CEP295: variants seen among roughly 807,000 people sequenced by gnomAD.
The protein encoded by CEP295 is centrosomal protein of 295 kDa.
A neutral mutation model predicts 291.6 loss-of-function variants in CEP295; 190 were observed. That is an observed-to-expected ratio of 0.65 (90% confidence interval 0.58 to 0.73). CEP295 has a LOEUF of 0.73. Ranked by LOEUF, CEP295 falls within the 30% of genes least tolerant of loss-of-function variation. CEP295 has a pLI of 0.00. For synonymous variants in CEP295, 993 were observed against 1,038.8 expected (o/e 0.96, Z 0.85); for missense variants, 2,863 against 2,949.4 (o/e 0.97, Z 0.68).
rs1951907076 is a variant in CEP295, at chr11:93,697,553, C to G, written c.2641C>G (p.Gln881Glu). 1.3e-6 allele frequency: 2 copies of G among 1,551,634 alleles called. No individual in the cohort carries two copies. Among genetic ancestry groups the G allele is most frequent in the Non-Finnish European group, 8.7e-7 (1 of 1,146,988 alleles). ...LLLCKQKEVE[Q>E]QTGLSVFLPL... is the part of the protein sequence containing the mutation. Reference sequence around the variant, plus strand: ...TTTGTGCAAACAGAAAGAAGTGGAACAGCAAACGGGCCTCTCGGTATTCCT... The same window carrying G: ...TTTGTGCAAACAGAAAGAAGTGGAAGAGCAAACGGGCCTCTCGGTATTCCT... Residue 881 changes from glutamine (Q) to glutamate (E), a missense_variant, in exon 15 of 30, where the codon CAG becomes GAG. By Grantham distance (29) the Gln-to-Glu change is conservative. This residue lies in a region of CEP295 where 2,295 missense variants were observed against 2,335.7 expected (regional missense o/e 0.98). Transcript: ENST00000325212.
intron 5 of CEP295, among the ~76,000 whole-genome samples, chr11:93,674,470 G>A (rs1419348142): frequency 5.3e-5 from 8 of 152,188 alleles, no homozygotes; most frequent in South Asian, 2.1e-4. Context: ...AGGCCGAAGC[G>A]TAAGGATCGC....
In CEP295 at chr11:93,699,838, C is replaced by G. The variant is rs1952042746; in HGVS notation, c.4926C>G (p.Ile1642Met). ...LNKSESAEHT[I>M]PSLFLPKETE... ...AAAGTGAATCTGCTGAGCATACTAT[C>G]CCCTCTTTGTTTCTACCCAAGGAAA... The change falls in exon 15 of 30, where the codon ATC becomes ATG. Residue 1642 changes from isoleucine (I) to methionine (M), a missense_variant. Ile to Met is a conservative substitution (Grantham distance 10). This residue lies in a region of CEP295 where 2,295 missense variants were observed against 2,335.7 expected (regional missense o/e 0.98). Coordinates refer to ENST00000325212, the MANE Select transcript of CEP295 (RefSeq NM_033395.2). 6.4e-7 allele frequency: 1 copy of G among 1,552,120 alleles called. No individual in the cohort carries two copies. Among genetic ancestry groups the G allele is most frequent in the African/African-American group, 1.4e-5 (1 of 73,036 alleles).
Position 93,663,475 on chromosome 11 carries a change from T to C in CEP295, c.-27+1701T>C, listed in dbSNP as rs1400982869. ...ACAGCAACAAATGCAATGTGTTATA[T>C]CCTTGGATTGGCTTCTGGTCCAGAA... is the stretch of plus-strand genomic sequence containing the variant. On this transcript the variant is annotated intron_variant, in intron 1 of 29. Transcript: ENST00000325212. 6.6e-5 allele frequency among the ~76,000 whole-genome samples: 10 copies of C among 152,350 alleles called. No homozygotes were observed. The East Asian group carries it at 1.7e-3, about 26-fold the overall frequency.
intron 19 of CEP295, 51 bp downstream of exon 19, chr11:93,721,463 A>G: frequency 8.8e-7 from 1 of 1,136,352 alleles, no homozygotes; most frequent in Non-Finnish European, 1.3e-6. Context: ...TTGGCTTCGT[A>G]TTCTCTTTTG....
intron 17 of CEP295, among the ~76,000 whole-genome samples, chr11:93,703,915 C>T (rs902697319): frequency 1.3e-5 from 2 of 151,868 alleles, no homozygotes; most frequent in African/African-American, 2.4e-5. Flanking sequence ...ACTAGAGGCA[C>T]CCGCCACCAA....
chr11:93,726,776 GAA>G (rs1954177308), intron 23 of CEP295, 198 bp from the exon 24 acceptor site: 1 of 438,146 alleles, frequency 2.3e-6, no homozygotes, highest in Admixed American at 4.0e-5. Flanking sequence ...AATAGAAAAA[GAA>G]AAAATACTTG....
chr11:93,725,888 C>A (rs1954097457), intron 23 of CEP295, 57 bp downstream of exon 23: 2 of 1,436,714 alleles, frequency 1.4e-6, no homozygotes, highest in Admixed American at 2.0e-5. Context: ...ACATCCATTT[C>A]CTTAGAAATT....
At chr11:93,671,819 C>T (rs1412643436) in intron 5 of CEP295, among the ~76,000 whole-genome samples, 1 of 152,088 alleles carries the variant, frequency 6.6e-6, no homozygotes, top group Non-Finnish European at 1.5e-5. Context: ...ATAGATGCAT[C>T]TGTATCACTG....
In CEP295 at chr11:93,697,364, A is replaced by G. The variant is rs1278555978; in HGVS notation, c.2452A>G (p.Thr818Ala). The change falls in exon 15 of 30, where the codon ACA becomes GCA. Residue 818 changes from threonine to alanine, a missense_variant. By Grantham distance (58) the Thr-to-Ala change is moderately conservative. Transcript: ENST00000325212. ...ACCCTTTTCAGCCATGAGCAAAAGT[A>G]CAGTTTCCACAAGCCATTCTATAAT... is the stretch of plus-strand genomic sequence containing the variant. ...QEPFSAMSKS[T>A]VSTSHSIISQ... 10 of 1,551,984 alleles carry G rather than the reference A, an allele frequency of 6.4e-6. No homozygotes were observed. Among genetic ancestry groups the G allele is most frequent in the Non-Finnish European group, 7.8e-6 (9 of 1,147,040 alleles).
In CEP295 at chr11:93,728,773, T is replaced by C; in HGVS notation, c.7254T>C (p.Asn2418=). 1 of 1,550,628 alleles carries C rather than the reference T, an allele frequency of 6.4e-7. No homozygotes were observed. The highest frequency in any genetic ancestry group is 8.7e-7 in the Non-Finnish European group (1 of 1,146,754). Residue 2418 remains asparagine, a synonymous_variant, in exon 25 of 30, where the codon AAT becomes AAC. Transcript: ENST00000325212. ...DTSIAEMDFA[N]LTLEEKSENE... ...GTATTGCTGAAATGGATTTTGCAAA[T>C]TTAACCCTAGAAGAGAAGAGCGAGA...
chr11:93,701,097 C>T (rs1045834433), intron 15 of CEP295, among the ~76,000 whole-genome samples: 2 of 152,140 alleles, frequency 1.3e-5, no homozygotes, highest in African/African-American at 4.8e-5. Context: ...GACATGGTGA[C>T]TCAGGCCTTA....
At chr11:93,664,162 C>G (rs376723349) in intron 1 of CEP295, among the ~76,000 whole-genome samples, 1 of 152,142 alleles carries the variant, frequency 6.6e-6, no homozygotes, top group Non-Finnish European at 1.5e-5. Flanking sequence ...GAGGGAATTT[C>G]TTAGACCTTC....
intron 12 of CEP295, among the ~76,000 whole-genome samples, chr11:93,693,442 C>G (rs796165764): frequency 2.0e-4 from 30 of 152,276 alleles, no homozygotes; most frequent in African/African-American, 7.2e-4. Flanking sequence ...ATTCCGTGAG[C>G]CAGTATTTCT....
chr11:93,697,787 A>G lies in CEP295; in HGVS notation c.2875A>G (p.Ile959Val), dbSNP rs1951925770. The G allele has an allele frequency of 6.4e-7, 1 of 1,551,776 alleles. No individual in the cohort carries two copies. Among genetic ancestry groups the G allele is most frequent in the Non-Finnish European group, 8.7e-7 (1 of 1,146,996 alleles). ...NFKFLQEQLN[I>V]QKDSLQARRE... ...TAAATTTCTCCAAGAGCAGTTGAAT[A>G]TTCAGAAGGATAGCCTTCAGGCTAG... is the stretch of plus-strand genomic sequence containing the variant. The change falls in exon 15 of 30, where the codon ATT (isoleucine) becomes GTT (valine). Residue 959 changes from isoleucine to valine, a missense_variant. Ile to Val is a conservative substitution (Grantham distance 29). Transcript: ENST00000325212.
At chr11:93,703,856 C>T (rs1304091364) in intron 17 of CEP295, among the ~76,000 whole-genome samples, 1 of 151,024 alleles carries the variant, frequency 6.6e-6, no homozygotes, top group Non-Finnish European at 1.5e-5. Context: ...GCAAGCTCCG[C>T]CTCCCAGGTT....
chr11:93,695,056 A>G (rs1591051330), intron 12 of CEP295, among the ~76,000 whole-genome samples: 2 of 152,234 alleles, frequency 1.3e-5, no homozygotes, highest in Admixed American at 1.3e-4. Flanking sequence ...CTTCTAGATA[A>G]CTATCCCTCT....
At chr11:93,706,257 G>A (rs1296172750) in intron 17 of CEP295, among the ~76,000 whole-genome samples, 2 of 152,028 alleles carry the variant, frequency 1.3e-5, no homozygotes, top group African/African-American at 4.8e-5. Context: ...TTTTTGGGGC[G>A]ATGCTTTATC....
At chr11:93,712,499 C>T (rs1952973745) in intron 18 of CEP295, among the ~76,000 whole-genome samples, 1 of 152,122 alleles carries the variant, frequency 6.6e-6, no homozygotes, top group African/African-American at 2.4e-5. Flanking sequence ...GGTAATCCAC[C>T]CACTTAGACC....
chr11:93,727,834 A>C (rs1432830661), intron 24 of CEP295, 197 bp downstream of exon 24: 1 of 493,774 alleles, frequency 2.0e-6, no homozygotes, highest in East Asian at 3.2e-5. Flanking sequence ...AACCTGAAAC[A>C]AAATACAAGC....
Sources: allele counts gnomAD v4.1 joint callset (sites outside exome capture counted in the v4.1 genomes callset), GRCh38; gene constraint gnomAD v4.1.1; regional missense constraint gnomAD v4.1.1; transcripts MANE v1.5; gene names NCBI Gene and HGNC (gene_info 2026-07-23, HGNC 2026-07-21).